Variants in NCOA1 observed in about 807,000 individuals in gnomAD.
The protein encoded by NCOA1 is nuclear receptor coactivator 1.
In NCOA1, 35 loss-of-function variants were observed where a neutral mutation model predicts 150.9. The ratio of observed to expected loss-of-function variants is 0.23; its 90% CI spans 0.18 to 0.31. The LOEUF (loss-of-function observed/expected upper bound fraction) is 0.31, where lower values mean the gene tolerates loss of function less well. NCOA1 is among the 10% of genes least tolerant of loss of function. The pLI, the probability that NCOA1 is intolerant of heterozygous loss-of-function variation, is 1.00. For missense variants in NCOA1, 1,491 were observed against 1,749.3 expected (o/e 0.85, Z 2.63); for synonymous variants, 590 against 630.0 (o/e 0.94, Z 0.95).
intron 1 of NCOA1, among the ~76,000 whole-genome samples, chr2:24,504,988 T>G (rs1474278370): frequency 6.6e-6 from 1 of 152,106 alleles, no homozygotes; most frequent in African/African-American, 2.4e-5. Flanking sequence ...TTTCTAATGC[T>G]TGGTTTGTTA....
intron 11 of NCOA1, among the ~76,000 whole-genome samples, chr2:24,700,355 C>T (rs995630664): frequency 2.0e-5 from 3 of 151,900 alleles, no homozygotes; most frequent in African/African-American, 7.3e-5. Flanking sequence ...GATATTTAGG[C>T]AGGAAAAGTT....
At chr2:24,600,717 T>A (rs867114953) in intron 3 of NCOA1, among the ~76,000 whole-genome samples, 3 of 152,342 alleles carry the variant, frequency 2.0e-5, no homozygotes, top group Non-Finnish European at 1.5e-5. Flanking sequence ...TTTCTTTCGG[T>A]GATAGTATTT....
At chr2:24,580,321 CT>C (rs972102415) in intron 2 of NCOA1, among the ~76,000 whole-genome samples, 2 of 152,094 alleles carry the variant, frequency 1.3e-5, no homozygotes, top group Non-Finnish European at 2.9e-5. Flanking sequence ...TCTTAGAGCA[CT>C]TTTTCAGCCC....
chr2:24,642,037 T>TGTGTGTGCGTGCGC (rs942145000), intron 3 of NCOA1, among the ~76,000 whole-genome samples: 9 of 138,452 alleles, frequency 6.5e-5, no homozygotes, highest in Non-Finnish European at 1.4e-4. Flanking sequence ...TGTGTGTGTG[T>TGTGTGTGCGTGCGC]GCGCGCGTGC....
intron 3 of NCOA1, among the ~76,000 whole-genome samples, chr2:24,594,105 T>C (rs924814307): frequency 6.6e-6 from 1 of 152,130 alleles, no homozygotes; most frequent in Non-Finnish European, 1.5e-5. Flanking sequence ...GTAAACACGG[T>C]ACTAGATTCA....
At chr2:24,596,325 G>A (rs150919559) in intron 3 of NCOA1, among the ~76,000 whole-genome samples, 5 of 152,148 alleles carry the variant, frequency 3.3e-5, no homozygotes, top group Admixed American at 3.3e-4. Flanking sequence ...TATCGGTTTG[G>A]TTAATATTGG....
intron 4 of NCOA1, among the ~76,000 whole-genome samples, chr2:24,651,366 A>G (rs1208772879): frequency 1.3e-5 from 2 of 152,136 alleles, no homozygotes; most frequent in East Asian, 1.9e-4. Flanking sequence ...AATATTATTC[A>G]GCCATTAAAA....
At chr2:24,525,156 G>A (rs1451571222) in intron 1 of NCOA1, among the ~76,000 whole-genome samples, 1 of 152,042 alleles carries the variant, frequency 6.6e-6, no homozygotes, top group Non-Finnish European at 1.5e-5. Flanking sequence ...TTTAGGCAGT[G>A]GCCATTTTAG....
At chr2:24,755,026 A>G (rs757046908) in intron 20 of NCOA1, among the ~76,000 whole-genome samples, 1 of 152,238 alleles carries the variant, frequency 6.6e-6, no homozygotes, top group Non-Finnish European at 1.5e-5. Context: ...AGTCATCATA[A>G]GCCTTGTGTA....
chr2:24,657,616 G>A (rs936139224), intron 4 of NCOA1, among the ~76,000 whole-genome samples: 4 of 152,166 alleles, frequency 2.6e-5, no homozygotes, highest in African/African-American at 9.7e-5. Context: ...AAAAGGGCTA[G>A]AAGCAGAGTC....
rs140781768 is a variant in NCOA1 at position 24,678,637 on chromosome 2, C to A, written c.355-4314C>A. On this transcript the variant is annotated intron_variant, in intron 7 of 22. Coordinates refer to ENST00000348332, the MANE Select transcript of NCOA1 (RefSeq NM_003743.5). The stretch of plus-strand genomic sequence containing the variant: ...TTTTGATTTGCATCTCTCTAATGAT[C>A]AGTGATGTTGAGCTTTTGATATGTT... Among the ~76,000 whole-genome samples the A allele has an allele frequency of 2.6e-5, 4 of 152,246 alleles. No individual in the cohort carries two copies. The East Asian group carries it at 7.7e-4, about 29-fold the overall frequency.
intron 14 of NCOA1, among the ~76,000 whole-genome samples, chr2:24,719,172 C>T (rs1407371140): frequency 6.6e-6 from 1 of 151,354 alleles, no homozygotes; most frequent in East Asian, 1.9e-4. Flanking sequence ...GGATGAATTA[C>T]TCTTGGAAAC....
intron 11 of NCOA1, among the ~76,000 whole-genome samples, chr2:24,703,032 G>T (rs1673237856): frequency 6.6e-6 from 1 of 152,138 alleles, no homozygotes; most frequent in South Asian, 2.1e-4. Context: ...CTGCGTATTT[G>T]TTGGGTTTTT....
At chr2:24,582,956 G>C (rs1667259341) in intron 2 of NCOA1, among the ~76,000 whole-genome samples, 1 of 152,094 alleles carries the variant, frequency 6.6e-6, no homozygotes, top group Admixed American at 6.5e-5. Context: ...ACTCCAAATG[G>C]TTTAAGACTT....
In NCOA1 at chr2:24,707,647, A is replaced by G; in HGVS notation, c.2177A>G (p.Gln726Arg). 6.2e-7 allele frequency: 1 copy of G among 1,614,270 alleles called. No individual in the cohort carries two copies. The highest frequency in any genetic ancestry group is 8.5e-7 in the Non-Finnish European group (1 of 1,180,046). Residue 726 changes from glutamine (Q) to arginine (R), a missense_variant, in exon 13 of 23, where the codon CAA becomes CGA. Coordinates refer to ENST00000348332, the MANE Select transcript of NCOA1 (RefSeq NM_003743.5). ...STSVSVTGQV[Q>R]GNSSIKLELD... Reference sequence around the variant, plus strand: ...TCTGTGTCAGTGACTGGACAGGTACAAGGAAACTCCAGTATAAAACTAGAA... The same window carrying G: ...TCTGTGTCAGTGACTGGACAGGTACGAGGAAACTCCAGTATAAAACTAGAA...
At chr2:24,762,282 G>A (rs1465842530) in intron 21 of NCOA1, among the ~76,000 whole-genome samples, 1 of 152,230 alleles carries the variant, frequency 6.6e-6, no homozygotes, top group Non-Finnish European at 1.5e-5. Context: ...GAGGCAGGAG[G>A]ATAAGTCTGA....
At chr2:24,751,069 C>A in intron 19 of NCOA1, among the ~76,000 whole-genome samples, 1 of 150,222 alleles carries the variant, frequency 6.7e-6, no homozygotes, top group Non-Finnish European at 1.5e-5. Flanking sequence ...CTCACTGCAA[C>A]CTCTGCCTCC....
chr2:24,743,736 A>G (rs1409587967), intron 19 of NCOA1, among the ~76,000 whole-genome samples: 1 of 152,202 alleles, frequency 6.6e-6, no homozygotes, highest in Non-Finnish European at 1.5e-5. Context: ...CCAAAATGAC[A>G]ACCTGACTAA....
At position 24,741,789 on chromosome 2, in the gene NCOA1, C is replaced by T. The variant is rs1223899499; in HGVS notation, c.3309C>T (p.Pro1103=). ...AGTTTTTTCCTGCTTTTCAGCCACC[C>T]CTGAATGCTCAAATGTTGGCACAAC... ...GMQQQITPQP[P]LNAQMLAQRQ... The change falls in exon 19 of 23, where the codon CCC becomes CCT. Residue 1103 remains proline, a synonymous_variant. Coordinates refer to ENST00000348332, the MANE Select transcript of NCOA1 (RefSeq NM_003743.5). 1 of 1,611,862 alleles carries T rather than the reference C, an allele frequency of 6.2e-7. No individual in the cohort carries two copies. The highest frequency in any genetic ancestry group is 8.5e-7 in the Non-Finnish European group (1 of 1,178,702).
Sources: allele counts gnomAD v4.1 joint callset (sites outside exome capture counted in the v4.1 genomes callset), GRCh38; gene constraint gnomAD v4.1.1; transcripts MANE v1.5; gene names NCBI Gene and HGNC (gene_info 2026-07-23, HGNC 2026-07-21).